The following RSU1 variants were observed in gnomAD, a reference collection of about 807,000 sequenced individuals.
RSU1 encodes rsu-1.
RSU1 carries 26 observed loss-of-function variants against 31.1 expected under a neutral mutation model. That is an observed-to-expected ratio of 0.84 (90% confidence interval 0.61 to 1.16). The LOEUF is 1.16. Ranked by LOEUF, RSU1 falls within the 50% of genes most tolerant of loss-of-function variation. The pLI, the probability that RSU1 is intolerant of heterozygous loss-of-function variation, is 0.00. For synonymous variants in RSU1, 164 were observed against 136.3 expected (o/e 1.20, Z -1.41); for missense variants, 320 against 339.1 (o/e 0.94, Z 0.44).
intron 3 of RSU1, among the ~76,000 whole-genome samples, chr10:16,778,132 C>T (rs890722464): frequency 1.3e-5 from 2 of 150,628 alleles, no homozygotes; most frequent in Admixed American, 1.3e-4. Context: ...GTGATCCTCA[C>T]ACTACAGCCT....
intron 8 of RSU1, among the ~76,000 whole-genome samples, chr10:16,660,424 A>G (rs1480586163): frequency 6.6e-6 from 1 of 152,174 alleles, no homozygotes; most frequent in African/African-American, 2.4e-5. Flanking sequence ...TGGGAAGCTA[A>G]TTTATGAGCT....
intron 8 of RSU1, among the ~76,000 whole-genome samples, chr10:16,653,200 T>C (rs545020220): frequency 1.1e-4 from 17 of 152,316 alleles, no homozygotes; most frequent in African/African-American, 3.6e-4. Flanking sequence ...AACTCCGACA[T>C]ATGTTACCTA....
chr10:16,790,421 A>T (rs11254189), intron 2 of RSU1, among the ~76,000 whole-genome samples: 1 of 152,210 alleles, frequency 6.6e-6, no homozygotes, highest in Admixed American at 6.5e-5. Context: ...CACGCTAGGT[A>T]TAAGAATCAT....
At chr10:16,778,554 CAAAG>C (rs905250451) in intron 3 of RSU1, among the ~76,000 whole-genome samples, 29 of 152,172 alleles carry the variant, frequency 1.9e-4, no homozygotes, top group African/African-American at 7.0e-4. Flanking sequence ...AAAAAAAACA[CAAAG>C]GAAGAGAAGG....
intron 2 of RSU1, among the ~76,000 whole-genome samples, chr10:16,798,463 G>A (rs1030734111): frequency 2.0e-5 from 3 of 152,060 alleles, no homozygotes; most frequent in African/African-American, 4.8e-5. Flanking sequence ...CTGTTCCCCC[G>A]ATAGTGAGTT....
chr10:16,626,022 C>A (rs1402179193), intron 8 of RSU1, among the ~76,000 whole-genome samples: 1 of 151,942 alleles, frequency 6.6e-6, no homozygotes. Flanking sequence ...GCGCTCAGTG[C>A]ATTTCAACCA....
At chr10:16,731,256 C>T (rs75576720) in intron 7 of RSU1, among the ~76,000 whole-genome samples, 6,656 of 151,940 alleles carry the variant, frequency 0.044, 238 homozygotes, top group South Asian at 0.15. Flanking sequence ...AATGAAACCC[C>T]GTCTCTACTA....
chr10:16,631,482 A>T (rs909732116), intron 8 of RSU1, among the ~76,000 whole-genome samples: 1 of 152,002 alleles, frequency 6.6e-6, no homozygotes, highest in Non-Finnish European at 1.5e-5. Flanking sequence ...ACCATGGGGG[A>T]AAAAATAATC....
intron 8 of RSU1, among the ~76,000 whole-genome samples, chr10:16,646,668 C>T (rs1448248213): frequency 6.6e-6 from 1 of 152,236 alleles, no homozygotes; most frequent in African/African-American, 2.4e-5. Context: ...CTACATGGCA[C>T]ATGTCAGTCA....
chr10:16,654,645 A>G (rs1172032353), intron 8 of RSU1, among the ~76,000 whole-genome samples: 2 of 150,114 alleles, frequency 1.3e-5, no homozygotes, highest in Non-Finnish European at 3.0e-5. Flanking sequence ...TTCCAGCCTG[A>G]GTGACAGAGT....
intron 7 of RSU1, among the ~76,000 whole-genome samples, chr10:16,718,262 T>C (rs1836183714): frequency 6.6e-6 from 1 of 152,166 alleles, no homozygotes; most frequent in Admixed American, 6.5e-5. Flanking sequence ...AATTCCAGAC[T>C]ATTCTAATAT....
chr10:16,799,298 C>T (rs1395327671), intron 2 of RSU1, among the ~76,000 whole-genome samples: 1 of 152,110 alleles, frequency 6.6e-6, no homozygotes, highest in African/African-American at 2.4e-5. Flanking sequence ...GCTGAGCAAA[C>T]AGAAAACAAA....
chr10:16,815,504 G>A (rs1290142685), intron 2 of RSU1, among the ~76,000 whole-genome samples: 1 of 152,046 alleles, frequency 6.6e-6, no homozygotes, highest in Non-Finnish European at 1.5e-5. Context: ...TCACATCCTG[G>A]AGTTGATATC....
At chr10:16,615,125 A>G (rs1246098392) in intron 8 of RSU1, among the ~76,000 whole-genome samples, 1 of 152,178 alleles carries the variant, frequency 6.6e-6, no homozygotes, top group African/African-American at 2.4e-5. Flanking sequence ...GGTGTGCTGT[A>G]TTCAGGAGAC....
chr10:16,627,536 T>C (rs1011643287), intron 8 of RSU1, among the ~76,000 whole-genome samples: 1 of 152,050 alleles, frequency 6.6e-6, no homozygotes, highest in Non-Finnish European at 1.5e-5. Flanking sequence ...GGTGGATCAC[T>C]TGAGGTTAGG....
At chr10:16,682,717 T>C (rs1835353800) in intron 8 of RSU1, among the ~76,000 whole-genome samples, 1 of 152,156 alleles carries the variant, frequency 6.6e-6, no homozygotes, top group African/African-American at 2.4e-5. Flanking sequence ...ACCCTGGATC[T>C]TTCTTGTGCA....
chr10:16,670,472 T>C (rs78994996), intron 8 of RSU1, among the ~76,000 whole-genome samples: 5,547 of 152,244 alleles, frequency 0.036, 218 homozygotes, highest in East Asian at 0.11. Context: ...ATTCTGTTGC[T>C]GCAGTATTCT....
At chr10:16,694,357 A>C (rs1211187355) in intron 8 of RSU1, among the ~76,000 whole-genome samples, 1 of 152,210 alleles carries the variant, frequency 6.6e-6, no homozygotes, top group Non-Finnish European at 1.5e-5. Flanking sequence ...TTTATAAATA[A>C]ACTGCTTAAC....
rs796601054 is a variant in RSU1 at position 16,660,645 on chromosome 10, CTTTTTTT to C, written c.731+34371_731+34377del. 7.5e-5 allele frequency among the ~76,000 whole-genome samples: 6 copies of C among 79,546 alleles called. No homozygotes were observed. The East Asian group carries it at 3.0e-3, about 39-fold the overall frequency. The allele number at this position is 79,546 out of a possible 152,430, so 52.2% of individuals were successfully genotyped here. ...TCCAGTTCATTTATTCTTGAACTCT[CTTTTTTT>C]TTTTTTTTTTTTGAGGAAGGCTCTC... On this transcript the variant is annotated intron_variant, in intron 8 of 8. Coordinates refer to ENST00000345264, the MANE Select transcript of RSU1 (RefSeq NM_012425.4).
Sources: gnomAD v4.1 joint callset for allele counts (sites outside exome capture counted in the v4.1 genomes callset) on GRCh38, gnomAD v4.1.1 for gene constraint, MANE v1.5 for transcripts, NCBI Gene and HGNC (gene_info 2026-07-23, HGNC 2026-07-21) for gene names.